CACFD1: variants seen among roughly 807,000 people sequenced by gnomAD.
CACFD1 encodes calcium channel flower homolog.
A neutral mutation model predicts 21.3 loss-of-function variants in CACFD1; 26 were observed. That is an observed-to-expected ratio of 1.22 (90% CI 0.89 to 1.69). The LOEUF is 1.69. Among genes scored for constraint, CACFD1 ranks in the 40% most tolerant of loss-of-function variants. The pLI is 0.00. For missense variants in CACFD1, 265 were observed against 236.2 expected (o/e 1.12, Z -0.80); for synonymous variants, 121 against 106.6 (o/e 1.13, Z -0.83).
In CACFD1 at chr9:133,460,127, G is replaced by T. The variant is rs1554797937; in HGVS notation, c.61G>T (p.Glu21Ter). The change falls in exon 1 of 5, where the codon GAG becomes TAG. Residue 21 changes from glutamate (E) to a stop codon, truncating the protein, a stop_gained. Transcript: ENST00000316948. LOFTEE classifies it high-confidence loss of function. ...SASSAPPAQE[E>*]GMTWWYRWLC... ...CAGCTCTGCGCCGCCCGCGCAGGAA[G>T]AGGGCATGACGTGGTGGTACCGCTG... 1.3e-6 allele frequency: 2 copies of T among 1,562,754 alleles called. No individual in the cohort carries two copies. Among genetic ancestry groups the T allele is most frequent in the African/African-American group, 2.7e-5 (2 of 73,302 alleles).
chr9:133,464,000 C>T (rs28702505), intron 2 of CACFD1, among the ~76,000 whole-genome samples: 2 of 152,182 alleles, frequency 1.3e-5, no homozygotes, highest in African/African-American at 4.8e-5. Flanking sequence ...CACTCGAGCT[C>T]GGAGCTGTGC....
intron 2 of CACFD1, among the ~76,000 whole-genome samples, 195 bp downstream of exon 2, chr9:133,463,750 C>T (rs1339903384): frequency 6.6e-6 from 1 of 152,256 alleles, no homozygotes; most frequent in African/African-American, 2.4e-5. Context: ...CTTCATACCC[C>T]CACCATGTTT....
Position 133,465,440 on chromosome 9 carries a change from T to C in CACFD1, c.313T>C (p.Tyr105His). The C allele has an allele frequency of 6.2e-7, 1 of 1,610,392 alleles. No individual in the cohort carries two copies. The highest frequency in any genetic ancestry group is 8.5e-7 in the Non-Finnish European group (1 of 1,177,782). The change falls in exon 3 of 5, where the codon TAC becomes CAC. Residue 105 changes from tyrosine (Y) to histidine (H), a missense_variant. By Grantham distance (83) the Tyr-to-His change is moderately conservative. Coordinates refer to ENST00000316948, the MANE Select transcript of CACFD1 (RefSeq NM_017586.5). This position sits in a 1 kb window ranked among gnomAD's most constrained non-coding sequence, Gnocchi z 5.0. ...GCGCTCCTGGCAGAAGGCTGTCTTC[T>C]ACTGCGGGTGAGGGGTTGCTGGGCA... The part of the protein sequence containing the change: ...RLRSWQKAVF[Y>H]CGMAVVPIVI...
At chr9:133,461,913 G>C (rs1843233410) in intron 1 of CACFD1, 1 of 985,340 alleles carries the variant, frequency 1.0e-6, no homozygotes, top group Non-Finnish European at 1.2e-6. Flanking sequence ...TCCTCCTCCA[G>C]GGTGAGGGGA....
At chr9:133,462,565 T>C (rs1299972085) in intron 1 of CACFD1, among the ~76,000 whole-genome samples, 2 of 152,218 alleles carry the variant, frequency 1.3e-5, no homozygotes, top group East Asian at 3.8e-4. Flanking sequence ...TGGGTGCTAA[T>C]TGCTGCCTCC....
chr9:133,466,061 T>C (rs75340988), intron 3 of CACFD1, among the ~76,000 whole-genome samples: 39,023 of 152,144 alleles, frequency 0.26, 6,207 homozygotes, highest in South Asian at 0.36. Context: ...CATTATTGTC[T>C]AGGTTATCTT....
chr9:133,468,063 T>G (rs978708798), intron 4 of CACFD1, 35 bp downstream of exon 4: 4 of 1,548,530 alleles, frequency 2.6e-6, no homozygotes, highest in South Asian at 1.1e-5. Context: ...GGGCAGGGCC[T>G]TCCTCCCTCC....
chr9:133,468,122 G>T, intron 4 of CACFD1, 94 bp downstream of exon 4: 1 of 1,153,368 alleles, frequency 8.7e-7, no homozygotes, highest in Non-Finnish European at 1.2e-6. Context: ...GCCCCTTTTA[G>T]CTAGTGGAGA....
At chr9:133,468,086 C>T in intron 4 of CACFD1, 58 bp downstream of exon 4, 1 of 1,426,000 alleles carries the variant, frequency 7.0e-7, no homozygotes, top group Non-Finnish European at 9.8e-7. Flanking sequence ...CCCCCGAAGT[C>T]CTTCAGTGAG....
chr9:133,468,243 C>A, intron 4 of CACFD1: 1 of 1,411,454 alleles, frequency 7.1e-7, no homozygotes, highest in South Asian at 1.4e-5. Context: ...CCGTCACGGC[C>A]TGCAGCAAGG....
At chr9:133,468,503 CAGG>C in intron 4 of CACFD1, 57 bp from the exon 5 acceptor site, 2 of 1,547,400 alleles carry the variant, frequency 1.3e-6, no homozygotes, top group Non-Finnish European at 1.7e-6. Context: ...GGGCAGTGGT[CAGG>C]AGGGCTGTGG....
At chr9:133,467,843 G>A (rs1843498652) in intron 3 of CACFD1, 78 bp from the exon 4 acceptor site, 5 of 1,058,794 alleles carry the variant, frequency 4.7e-6, no homozygotes, top group Admixed American at 1.7e-5. Flanking sequence ...GAAGGATGCT[G>A]GGCCGAGTCT....
intron 3 of CACFD1, among the ~76,000 whole-genome samples, chr9:133,467,361 C>T (rs1843479566): frequency 6.6e-6 from 1 of 152,254 alleles, no homozygotes; most frequent in Non-Finnish European, 1.5e-5. Context: ...GCAGACCCCG[C>T]AGCCTGCAGC....
At chr9:133,460,671 G>A (rs1176879547) in intron 1 of CACFD1, among the ~76,000 whole-genome samples, 1 of 152,214 alleles carries the variant, frequency 6.6e-6, no homozygotes, top group Non-Finnish European at 1.5e-5. Flanking sequence ...GTTTGTAAGG[G>A]AGGCGGGTGC....
rs1179791337 is a variant in CACFD1 at position 133,470,096 on chromosome 9, C to T, written c.*1443C>T. The T allele has an allele frequency of 6.5e-6, 1 of 152,912 alleles. No individual in the cohort carries two copies. The highest frequency in any genetic ancestry group is 1.9e-4 in the East Asian group (1 of 5,178). 9.5% of individuals were successfully genotyped at this position (152,912 alleles called of 1,614,324 possible). On this transcript the variant is annotated 3_prime_UTR_variant, in exon 5 of 5. Coordinates refer to ENST00000316948, the MANE Select transcript of CACFD1 (RefSeq NM_017586.5). ...CCCCTGGGAGTCTGGCCAGCTGAGC[C>T]CCAGGGTGGCAGGGGCATTATAGCC...
In CACFD1 at chr9:133,465,701, GCA is replaced by G. The variant is rs151039419; in HGVS notation, c.320+255_320+256del. 1.6e-3 allele frequency: 783 copies of G among 476,316 alleles called. 4 individuals carry two copies. The highest frequency in any genetic ancestry group is 0.014 in the African/African-American group (724 of 50,002). 29.5% of individuals were successfully genotyped at this position (476,316 alleles called of 1,614,324 possible). A position where few individuals can be genotyped will look rare whatever the true frequency, so the allele number is the denominator to read the frequency against. ...CAGAGGTATATGAGCATGTGTGGCA[GCA>G]TCCGTGCAGTGGAGAGAAAGTGGGA... On this transcript the variant is annotated intron_variant, in intron 3 of 4. Transcript: ENST00000316948. This position sits in a 1 kb window ranked among gnomAD's most constrained non-coding sequence, Gnocchi z 5.0.
At chr9:133,460,523 C>G (rs1221878508) in intron 1 of CACFD1, among the ~76,000 whole-genome samples, 1 of 119,624 alleles carries the variant, frequency 8.4e-6, no homozygotes, top group African/African-American at 2.8e-5. Context: ...GAGCCCTCCC[C>G]CCGCTCCCCA....
chr9:133,466,569 T>C (rs935117362), intron 3 of CACFD1, among the ~76,000 whole-genome samples: 1 of 138,716 alleles, frequency 7.2e-6, no homozygotes, highest in African/African-American at 2.5e-5. Flanking sequence ...TAAATCGAGG[T>C]GTGATAAACA....
rs587690008 is a variant in CACFD1, at chr9:133,462,099, C to T, written c.122-1384C>T. On this transcript the variant is annotated intron_variant, in intron 1 of 4. Coordinates refer to ENST00000316948, the MANE Select transcript of CACFD1 (RefSeq NM_017586.5). ...TTGCTAAAGGATTCCTGGCTGGAGCCTGCTGGTCTGGCTTGACACCTGGTC... is the reference window on the plus strand; with the variant it reads ...TTGCTAAAGGATTCCTGGCTGGAGCTTGCTGGTCTGGCTTGACACCTGGTC... The T allele has an allele frequency of 5.5e-5, 72 of 1,302,894 alleles. No homozygotes were observed. In the African/African-American group the frequency reaches 5.8e-4, roughly 10 times the overall value. The allele number at this position is 1,302,894 out of a possible 1,614,324, so 80.7% of individuals were successfully genotyped here.
Sources: gnomAD v4.1 joint callset for allele counts (sites outside exome capture counted in the v4.1 genomes callset) on GRCh38, gnomAD v4.1.1 for gene constraint, Gnocchi (gnomAD v3.1) non-coding constraint, MANE v1.5 for transcripts, NCBI Gene and HGNC (gene_info 2026-07-23, HGNC 2026-07-21) for gene names.